ADAMTSL1: variants seen among roughly 807,000 people sequenced by gnomAD.
The protein encoded by ADAMTSL1 is ADAMTS like 1, also known as ADAMTS-like protein 1.
ADAMTSL1 carries 126 observed loss-of-function variants against 201.8 expected under a neutral mutation model. The observed-to-expected ratio is 0.62, with a 90% CI of 0.54 to 0.72. ADAMTSL1 has a LOEUF of 0.72. ADAMTSL1 is among the 30% of genes least tolerant of loss of function. The pLI, the probability that ADAMTSL1 is intolerant of heterozygous loss-of-function variation, is 0.00. For missense variants in ADAMTSL1, 2,679 were observed against 2,277.8 expected, an observed-to-expected ratio of 1.18 and a Z score of -3.59; for synonymous variants, 1,121 against 903.4, an observed-to-expected ratio of 1.24 and a Z score of -4.32.
At chr9:17,950,087 T>A (rs544088849) in intron 1 of ADAMTSL1, among the ~76,000 whole-genome samples, 99 of 152,186 alleles carry the variant, frequency 6.5e-4, no homozygotes, top group African/African-American at 2.3e-3. Context: ...GCCAGCTTAT[T>A]TTTTGTATTT....
chr9:18,431,313 G>A (rs1819480681), intron 2 of ADAMTSL1, among the ~76,000 whole-genome samples: 1 of 152,216 alleles, frequency 6.6e-6, no homozygotes, highest in Non-Finnish European at 1.5e-5. Flanking sequence ...GGCACTGTCA[G>A]AGGCAAATCC....
At chr9:18,254,356 T>G (rs1006769047) in intron 2 of ADAMTSL1, among the ~76,000 whole-genome samples, 8 of 95,886 alleles carry the variant, frequency 8.3e-5, no homozygotes, top group African/African-American at 1.2e-4. Context: ...TTTTTTTTTT[T>G]TTTTTTTTTT....
At chr9:18,692,520 C>A (rs773506319) in intron 13 of ADAMTSL1, among the ~76,000 whole-genome samples, 8 of 152,138 alleles carry the variant, frequency 5.3e-5, no homozygotes, top group Non-Finnish European at 1.0e-4. Context: ...TTAATGGGAT[C>A]CTTGTGTGCC....
chr9:18,282,364 C>T (rs1006280314), intron 2 of ADAMTSL1, among the ~76,000 whole-genome samples: 6 of 152,176 alleles, frequency 3.9e-5, no homozygotes, highest in Non-Finnish European at 5.9e-5. Flanking sequence ...AATAGTGCTG[C>T]AATGAACATA....
Position 18,906,915 on chromosome 9 carries a change from A to G in ADAMTSL1, c.5182+3A>G. On this transcript the variant is annotated splice_donor_region_variant and intron_variant, in intron 28 of 28. Transcript: ENST00000380548. ...CAACATCACCCCATGTGAAAACAGTATGTTCCAACCCCAAAGAACCTTCTG... is the reference window on the plus strand; with the variant it reads ...CAACATCACCCCATGTGAAAACAGTGTGTTCCAACCCCAAAGAACCTTCTG... 2 of 1,613,910 alleles carry G rather than the reference A, an allele frequency of 1.2e-6. No homozygotes were observed. The highest frequency in any genetic ancestry group is 1.7e-6 in the Non-Finnish European group (2 of 1,179,830).
intron 20 of ADAMTSL1, among the ~76,000 whole-genome samples, chr9:18,814,375 T>C (rs1406625993): frequency 6.6e-6 from 1 of 152,092 alleles, no homozygotes; most frequent in Non-Finnish European, 1.5e-5. Flanking sequence ...GTTGGTTACA[T>C]CCAACTGAAA....
In ADAMTSL1 at chr9:18,795,391, C is replaced by T. The variant is rs554932106; in HGVS notation, c.3678-6C>T. Reference sequence around the variant, plus strand: ...CCAGGTCTATATTTCTTTTCTGTCGCTCCAGGATTCTTCTACAGCCAGATG... The same window carrying T: ...CCAGGTCTATATTTCTTTTCTGTCGTTCCAGGATTCTTCTACAGCCAGATG... On this transcript the variant is annotated splice_polypyrimidine_tract_variant and splice_region_variant and intron_variant, in intron 19 of 28. Coordinates refer to ENST00000380548, the MANE Select transcript of ADAMTSL1 (RefSeq NM_001040272.6). The T allele has an allele frequency of 5.6e-6, 9 of 1,613,716 alleles. No homozygotes were observed. The highest frequency in any genetic ancestry group is 1.7e-5 in the Admixed American group (1 of 59,986).
chr9:17,999,018 C>T (rs868409160), intron 1 of ADAMTSL1, among the ~76,000 whole-genome samples: 21 of 152,138 alleles, frequency 1.4e-4, no homozygotes, highest in Middle Eastern at 3.4e-3. Flanking sequence ...AAAGCCCTCT[C>T]TTTGGGGAAA....
chr9:18,339,189 A>T (rs1413927406), intron 2 of ADAMTSL1, among the ~76,000 whole-genome samples: 1 of 152,188 alleles, frequency 6.6e-6, no homozygotes, highest in East Asian at 1.9e-4. Context: ...AATGGGAAAA[A>T]ATATTTGCAA....
At chr9:18,402,814 T>C (rs1161897474) in intron 2 of ADAMTSL1, among the ~76,000 whole-genome samples, 1 of 152,188 alleles carries the variant, frequency 6.6e-6, no homozygotes, top group East Asian at 1.9e-4. Context: ...TTCTAGCATA[T>C]ACCCTATACC....
At chr9:17,926,370 A>T (rs1467686420) in intron 1 of ADAMTSL1, among the ~76,000 whole-genome samples, 4 of 152,192 alleles carry the variant, frequency 2.6e-5, no homozygotes, top group African/African-American at 9.7e-5. Flanking sequence ...ACGATGGTTT[A>T]ACACCACCAA....
At chr9:18,204,934 T>A (rs1027733855) in intron 2 of ADAMTSL1, among the ~76,000 whole-genome samples, 2 of 152,182 alleles carry the variant, frequency 1.3e-5, no homozygotes, top group Non-Finnish European at 2.9e-5. Context: ...GTAATACATT[T>A]GATTGAGTTG....
chr9:18,437,465 A>G (rs935778171), intron 2 of ADAMTSL1, among the ~76,000 whole-genome samples: 2 of 152,038 alleles, frequency 1.3e-5, no homozygotes, highest in African/African-American at 4.8e-5. Flanking sequence ...ACAATGCTTA[A>G]AATCCTTAAC....
At chr9:18,273,781 C>T (rs1832478919) in intron 2 of ADAMTSL1, among the ~76,000 whole-genome samples, 1 of 152,154 alleles carries the variant, frequency 6.6e-6, no homozygotes, top group South Asian at 2.1e-4. Flanking sequence ...TTTCAATGGA[C>T]AAAATGTAAT....
At chr9:18,220,528 A>G (rs1352290398) in intron 2 of ADAMTSL1, among the ~76,000 whole-genome samples, 1 of 152,168 alleles carries the variant, frequency 6.6e-6, no homozygotes, top group Non-Finnish European at 1.5e-5. Context: ...TAAACACCAT[A>G]TTGGATTTTC....
At chr9:18,560,958 C>G (rs111747571) in intron 3 of ADAMTSL1, among the ~76,000 whole-genome samples, 25 of 150,992 alleles carry the variant, frequency 1.7e-4, no homozygotes, top group Admixed American at 9.9e-4. Context: ...AAAAACAGCT[C>G]CTGGATTCAT....
intron 1 of ADAMTSL1, among the ~76,000 whole-genome samples, chr9:18,485,491 T>C (rs1244026322): frequency 6.6e-6 from 1 of 152,068 alleles, no homozygotes; most frequent in Non-Finnish European, 1.5e-5. Context: ...TTTTAAAAAA[T>C]AATAGACCGA....
chr9:18,837,061 G>C (rs932991394), intron 23 of ADAMTSL1, among the ~76,000 whole-genome samples: 1 of 152,132 alleles, frequency 6.6e-6, no homozygotes, highest in African/African-American at 2.4e-5. Context: ...AAGAGAGATA[G>C]TTTGACTTAT....
chr9:18,473,851 C>T, upstream of ADAMTSL1: 1 of 258,828 alleles, frequency 3.9e-6, no homozygotes, highest in Non-Finnish European at 7.4e-6. Flanking sequence ...CCATGGGAAG[C>T]ACAGTGCTTG....
Sources: allele counts gnomAD v4.1 joint callset (sites outside exome capture counted in the v4.1 genomes callset), GRCh38; gene constraint gnomAD v4.1.1; transcripts MANE v1.5; gene names NCBI Gene and HGNC (gene_info 2026-07-23, HGNC 2026-07-21).